KCNH5: variants seen among roughly 807,000 people sequenced by gnomAD.
KCNH5 encodes the protein voltage-gated delayed rectifier potassium channel KCNH5.
Under a neutral mutation model 96.1 loss-of-function variants are expected in KCNH5, and 46 were observed. The ratio of observed to expected loss-of-function variants is 0.48; its 90% CI spans 0.38 to 0.61. The LOEUF (loss-of-function observed/expected upper bound fraction) is 0.61. KCNH5 is among the 20% of genes least tolerant of loss of function. The probability of loss-of-function intolerance (pLI) is 0.00; values close to 1 mark genes in which losing one functional copy is unlikely to be tolerated. For synonymous variants in KCNH5, 439 were observed against 449.8 expected, an observed-to-expected ratio of 0.98 and a Z score of 0.30; for missense variants, 907 against 1,225.8, an observed-to-expected ratio of 0.74 and a Z score of 3.88.
chr14:63,000,718 C>T (rs1461354572), intron 4 of KCNH5, among the ~76,000 whole-genome samples: 2 of 152,158 alleles, frequency 1.3e-5, no homozygotes, highest in African/African-American at 4.8e-5. Flanking sequence ...CCAATTGTTA[C>T]GTTTTGGCTC....
In KCNH5 at chr14:62,707,765, G is replaced by A. The variant is rs1202791307; in HGVS notation, c.2710C>T (p.Gln904Ter). 1 of 1,614,008 alleles carries A rather than the reference G, an allele frequency of 6.2e-7. No homozygotes were observed. The highest frequency in any genetic ancestry group is 1.3e-5 in the African/African-American group (1 of 74,910). ...TCCTGCAGTGTGGTCTGTAAGGCCT[G>A]CTCGGGGATGGGATAAAAGGGGTGC... ...AKHPFYPIPE[Q>*]ALQTTLQEVK... The change falls in exon 11 of 11, where the codon CAG (glutamine) becomes TAG (stop). Residue 904 changes from glutamine to a stop codon, truncating the protein, a stop_gained. Transcript: ENST00000322893. LOFTEE classifies it high-confidence loss of function.
chr14:62,984,257 C>G (rs568377942), intron 5 of KCNH5, among the ~76,000 whole-genome samples: 212 of 152,228 alleles, frequency 1.4e-3, no homozygotes, highest in African/African-American at 4.9e-3. Context: ...AAGTCAGGCC[C>G]ACTGACTGAT....
intron 10 of KCNH5, among the ~76,000 whole-genome samples, chr14:62,731,506 T>A (rs1885050237): frequency 6.6e-6 from 1 of 152,108 alleles, no homozygotes; most frequent in Non-Finnish European, 1.5e-5. Flanking sequence ...ACACCTGGAA[T>A]ATAGGTATAT....
intron 6 of KCNH5, among the ~76,000 whole-genome samples, chr14:62,950,939 T>C (rs1417616632): frequency 2.0e-5 from 3 of 152,216 alleles, no homozygotes; most frequent in Non-Finnish European, 4.4e-5. Flanking sequence ...TTCCTTTTCC[T>C]ATAAAACTTT....
At chr14:62,775,717 T>A (rs1396910511) in intron 10 of KCNH5, among the ~76,000 whole-genome samples, 1 of 152,216 alleles carries the variant, frequency 6.6e-6, no homozygotes, top group African/African-American at 2.4e-5. Flanking sequence ...GGCGATTCTA[T>A]TCATATGCCC....
chr14:62,713,689 C>G (rs546135640), intron 10 of KCNH5, among the ~76,000 whole-genome samples: 2 of 152,096 alleles, frequency 1.3e-5, no homozygotes, highest in Non-Finnish European at 2.9e-5. Flanking sequence ...ATATCTTGTA[C>G]GCAAAGTATG....
intron 1 of KCNH5, among the ~76,000 whole-genome samples, chr14:63,030,536 AT>A (rs1461515636): frequency 6.6e-6 from 1 of 152,336 alleles, no homozygotes; most frequent in Admixed American, 6.5e-5. Flanking sequence ...GTGTTTCTCA[AT>A]CTTGACTGCA....
At chr14:62,938,761 T>C (rs1889732588) in intron 7 of KCNH5, among the ~76,000 whole-genome samples, 1 of 152,206 alleles carries the variant, frequency 6.6e-6, no homozygotes. Context: ...ATTAAATTCA[T>C]TGGAAAGTCA....
chr14:62,789,257 C>G (rs964879703), intron 9 of KCNH5, among the ~76,000 whole-genome samples: 1 of 151,904 alleles, frequency 6.6e-6, no homozygotes, highest in Non-Finnish European at 1.5e-5. Context: ...AAATGGCAGG[C>G]TGTCTTTCTT....
intron 7 of KCNH5, among the ~76,000 whole-genome samples, chr14:62,888,260 G>T (rs1003452363): frequency 6.6e-6 from 1 of 152,162 alleles, no homozygotes; most frequent in African/African-American, 2.4e-5. Flanking sequence ...TGAAAGTCCT[G>T]CACATACTAT....
intron 4 of KCNH5, among the ~76,000 whole-genome samples, chr14:62,997,307 A>G (rs1890922820): frequency 6.7e-6 from 1 of 150,130 alleles, no homozygotes; most frequent in African/African-American, 2.5e-5. Flanking sequence ...GGAGATGGTT[A>G]ATGGGTATAA....
intron 7 of KCNH5, among the ~76,000 whole-genome samples, chr14:62,891,000 T>C (rs1305392251): frequency 6.6e-6 from 1 of 152,196 alleles, no homozygotes; most frequent in Non-Finnish European, 1.5e-5. Flanking sequence ...AGTATGGCGA[T>C]TCCTCAAAGA....
At chr14:62,998,648 T>G (rs544249783) in intron 4 of KCNH5, among the ~76,000 whole-genome samples, 1 of 152,196 alleles carries the variant, frequency 6.6e-6, no homozygotes, top group African/African-American at 2.4e-5. Flanking sequence ...TTTGATAAAT[T>G]GTATTTTCAT....
At chr14:62,969,044 A>G (rs1420910039) in intron 6 of KCNH5, among the ~76,000 whole-genome samples, 1 of 152,256 alleles carries the variant, frequency 6.6e-6, no homozygotes, top group African/African-American at 2.4e-5. Context: ...TTAAAAGAAT[A>G]GAAATCATAC....
chr14:62,865,043 G>T (rs1263357086), intron 7 of KCNH5, among the ~76,000 whole-genome samples: 7 of 152,094 alleles, frequency 4.6e-5, no homozygotes, highest in Admixed American at 3.3e-4. Context: ...AAAACGAGAT[G>T]GAACTAGTCA....
chr14:62,790,764 T>G (rs1448158250), intron 9 of KCNH5, among the ~76,000 whole-genome samples: 1 of 151,762 alleles, frequency 6.6e-6, no homozygotes, highest in Non-Finnish European at 1.5e-5. Context: ...TCTTGATTTC[T>G]TTTTCAGCTA....
intron 7 of KCNH5, among the ~76,000 whole-genome samples, chr14:62,943,932 G>T (rs1388307742): frequency 1.3e-5 from 2 of 152,064 alleles, no homozygotes; most frequent in African/African-American, 4.8e-5. Flanking sequence ...TAGGAACAAA[G>T]GATTTAAGTC....
intron 6 of KCNH5, among the ~76,000 whole-genome samples, chr14:62,975,379 C>G (rs1322380318): frequency 6.6e-6 from 1 of 151,944 alleles, no homozygotes; most frequent in African/African-American, 2.4e-5. Context: ...TCTATAGGAA[C>G]TGACCCAGAA....
intron 5 of KCNH5, among the ~76,000 whole-genome samples, chr14:62,985,219 T>G (rs968373524): frequency 1.3e-5 from 2 of 152,228 alleles, no homozygotes; most frequent in African/African-American, 4.8e-5. Context: ...TTTAGTTATA[T>G]TAATGTCTTA....
Sources: allele counts gnomAD v4.1 joint callset (sites outside exome capture counted in the v4.1 genomes callset), GRCh38; gene constraint gnomAD v4.1.1; transcripts MANE v1.5; gene names NCBI Gene and HGNC (gene_info 2026-07-23, HGNC 2026-07-21).